Variants in ANKIB1 observed in about 807,000 individuals in gnomAD.
ANKIB1 encodes the protein ankyrin repeat and IBR domain-containing protein 1.
ANKIB1 carries 43 observed loss-of-function variants against 122.1 expected under a neutral mutation model. The ratio of observed to expected loss-of-function variants is 0.35; its 90% CI spans 0.28 to 0.45. The LOEUF (loss-of-function observed/expected upper bound fraction) is 0.45, where lower values mean the gene tolerates loss of function less well. Ranked by LOEUF, ANKIB1 falls within the 20% of genes least tolerant of loss-of-function variation. ANKIB1 has a pLI of 1.00. For synonymous variants in ANKIB1, 390 were observed against 442.0 expected, an observed-to-expected ratio of 0.88 and a Z score of 1.48; for missense variants, 992 against 1,329.5, an observed-to-expected ratio of 0.75 and a Z score of 3.95.
At chr7:92,291,563 TTTTC>T (rs1280971225) in intron 1 of ANKIB1, among the ~76,000 whole-genome samples, 1 of 149,048 alleles carries the variant, frequency 6.7e-6, no homozygotes, top group East Asian at 2.1e-4. Flanking sequence ...ACATTTTTCT[TTTTC>T]TTTTTTTTTT....
intron 2 of ANKIB1, among the ~76,000 whole-genome samples, chr7:92,297,785 A>T (rs939024577): frequency 6.6e-6 from 1 of 152,036 alleles, no homozygotes; most frequent in Non-Finnish European, 1.5e-5. Context: ...TCTACATTAT[A>T]TTCTATTTGG....
chr7:92,291,288 C>T (rs1447227937), intron 1 of ANKIB1, among the ~76,000 whole-genome samples: 2 of 148,008 alleles, frequency 1.4e-5, no homozygotes, highest in East Asian at 2.0e-4. Flanking sequence ...AGCGAGATCC[C>T]GTCTCAAAAA....
intron 7 of ANKIB1, 47 bp from the exon 8 acceptor site, chr7:92,350,903 A>G (rs1475057848): frequency 6.5e-7 from 1 of 1,527,412 alleles, no homozygotes; most frequent in Non-Finnish European, 8.8e-7. Context: ...ATGTATGCAC[A>G]ACTTAATATC....
intron 7 of ANKIB1, among the ~76,000 whole-genome samples, chr7:92,345,310 TAC>T (rs1361924396): frequency 1.3e-5 from 2 of 152,200 alleles, no homozygotes; most frequent in African/African-American, 4.8e-5. Flanking sequence ...AAAGCAGGTA[TAC>T]AAATAATTTT....
intron 1 of ANKIB1, among the ~76,000 whole-genome samples, chr7:92,280,754 T>C (rs763885417): frequency 1.3e-5 from 2 of 152,212 alleles, no homozygotes; most frequent in Non-Finnish European, 2.9e-5. Context: ...CAAATCTCGC[T>C]GACAACTTTT....
chr7:92,374,709 C>A, intron 11 of ANKIB1, among the ~76,000 whole-genome samples: 1 of 151,138 alleles, frequency 6.6e-6, no homozygotes, highest in Non-Finnish European at 1.5e-5. Flanking sequence ...AAGGATATGA[C>A]TCAAAAATTT....
chr7:92,272,614 G>C (rs1801820988), intron 1 of ANKIB1, among the ~76,000 whole-genome samples: 1 of 152,138 alleles, frequency 6.6e-6, no homozygotes, highest in Non-Finnish European at 1.5e-5. Context: ...GCCCAGATTG[G>C]TGTAGGAGGG....
rs186982120 is a variant in ANKIB1, at chr7:92,289,938, T to A, written c.-90-4951T>A. Among the ~76,000 whole-genome samples, 374 of 152,330 alleles carry A rather than the reference T, an allele frequency of 2.5e-3. 2 individuals carry two copies. The highest frequency in any genetic ancestry group is 4.7e-3 in the Admixed American group (72 of 15,296). ...CTCAAGCCATTCTTCCACCTCAGCC[T>A]CTCAAGTAGCTGGGACTACAGAGGC... is the stretch of plus-strand genomic sequence containing the variant. On this transcript the variant is annotated intron_variant, in intron 1 of 19. Coordinates refer to ENST00000265742, the MANE Select transcript of ANKIB1 (RefSeq NM_019004.2).
Position 92,398,305 on chromosome 7 carries a change from A to G in ANKIB1, c.2626A>G (p.Arg876Gly). The change falls in exon 20 of 20, where the codon AGA becomes GGA. Residue 876 changes from arginine (R) to glycine (G), a missense_variant. Transcript: ENST00000265742. ...TGGGCTGGCCCTCGATGAAGAAACT[A>G]GAGACTTCCTCAGTAATGAAGCATC... ...ESGLALDEET[R>G]DFLSNEASLG... 6 of 1,613,776 alleles carry G rather than the reference A, an allele frequency of 3.7e-6. No individual in the cohort carries two copies. The highest frequency in any genetic ancestry group is 5.1e-6 in the Non-Finnish European group (6 of 1,179,768).
chr7:92,359,870 G>C (rs980697676), intron 9 of ANKIB1, among the ~76,000 whole-genome samples: 4 of 152,084 alleles, frequency 2.6e-5, no homozygotes, highest in African/African-American at 9.7e-5. Flanking sequence ...TGATTCTTCT[G>C]CCTCAGCCTC....
chr7:92,330,398 TG>T (rs1468769413), intron 5 of ANKIB1, among the ~76,000 whole-genome samples: 11 of 152,248 alleles, frequency 7.2e-5, no homozygotes, highest in South Asian at 6.2e-4. Flanking sequence ...AAGCCAAAAA[TG>T]TTTTTTTATA....
chr7:92,342,437 G>A (rs1803458479), intron 5 of ANKIB1, among the ~76,000 whole-genome samples: 1 of 152,120 alleles, frequency 6.6e-6, no homozygotes, highest in African/African-American at 2.4e-5. Context: ...TTCACAGTAG[G>A]AAGATAATTT....
At position 92,398,528 on chromosome 7, in the gene ANKIB1, G is replaced by C. The variant is rs748493543; in HGVS notation, c.2849G>C (p.Cys950Ser). ...CTCAGTGAGGCAAGAAGTGATTTCT[G>C]TCCCTCATCTAGTGATCCTGACTCA... Reference protein sequence around the residue: ...HPLSEARSDFCPSSSDPDSAG... With the variant: ...HPLSEARSDFSPSSSDPDSAG... Residue 950 changes from cysteine to serine, a missense_variant, in exon 20 of 20, where the codon TGT becomes TCT. Physicochemically the swap from Cys to Ser is moderately radical, Grantham distance 112. Coordinates refer to ENST00000265742, the MANE Select transcript of ANKIB1 (RefSeq NM_019004.2). 1.1e-5 allele frequency: 17 copies of C among 1,613,838 alleles called. No individual in the cohort carries two copies. The African/African-American group carries it at 2.0e-4, about 19-fold the overall frequency.
intron 5 of ANKIB1, among the ~76,000 whole-genome samples, chr7:92,338,933 AATATATATATATATATATATATAT>A (rs1164398513): frequency 4.6e-5 from 1 of 21,918 alleles, no homozygotes; most frequent in Non-Finnish European, 8.0e-5. Context: ...AAAAAAAAAA[AATATATATATATATATATATATAT>A]ATATATATAT....
intron 1 of ANKIB1, among the ~76,000 whole-genome samples, chr7:92,279,955 C>T (rs373310836): frequency 6.6e-6 from 1 of 152,134 alleles, no homozygotes; most frequent in South Asian, 2.1e-4. Context: ...TTTACAAGAG[C>T]TCATTAGTAA....
chr7:92,292,950 G>A (rs1802282268), intron 1 of ANKIB1, among the ~76,000 whole-genome samples: 1 of 152,062 alleles, frequency 6.6e-6, no homozygotes, highest in Non-Finnish European at 1.5e-5. Flanking sequence ...CTGTATGTAT[G>A]TATTTGCATA....
chr7:92,270,435 A>G (rs1365501652), intron 1 of ANKIB1, among the ~76,000 whole-genome samples: 1 of 152,184 alleles, frequency 6.6e-6, no homozygotes, highest in Non-Finnish European at 1.5e-5. Flanking sequence ...GTACCATGAC[A>G]TAGAGAAGCT....
intron 1 of ANKIB1, among the ~76,000 whole-genome samples, chr7:92,270,786 T>C (rs1032930626): frequency 6.9e-6 from 1 of 144,980 alleles, no homozygotes; most frequent in South Asian, 2.3e-4. Flanking sequence ...ATATAGTATA[T>C]AGCCCTTTGA....
chr7:92,270,190 G>A (rs1431517982), intron 1 of ANKIB1, among the ~76,000 whole-genome samples: 1 of 152,116 alleles, frequency 6.6e-6, no homozygotes, highest in Non-Finnish European at 1.5e-5. Flanking sequence ...AGCCACCCGA[G>A]TAGCTGGGAC....
Sources: allele counts gnomAD v4.1 joint callset (sites outside exome capture counted in the v4.1 genomes callset), GRCh38; gene constraint gnomAD v4.1.1; transcripts MANE v1.5; gene names NCBI Gene and HGNC (gene_info 2026-07-23, HGNC 2026-07-21).